Variants in NRG1 observed in about 807,000 individuals in gnomAD.
NRG1 encodes neuregulin 1.
Under a neutral mutation model 63.8 loss-of-function variants are expected in NRG1, and 18 were observed. The ratio of observed to expected loss-of-function variants is 0.28; its 90% CI spans 0.19 to 0.42. The LOEUF (loss-of-function observed/expected upper bound fraction) is 0.42. NRG1 is among the 10% of genes least tolerant of loss of function. NRG1 has a pLI of 1.00. For synonymous variants in NRG1, 302 were observed against 301.3 expected, an observed-to-expected ratio of 1.00 and a Z score of -0.02; for missense variants, 762 against 814.7, an observed-to-expected ratio of 0.94 and a Z score of 0.79.
chr8:32,067,866 A>G (rs563418958), intron 1 of NRG1, among the ~76,000 whole-genome samples: 1 of 152,212 alleles, frequency 6.6e-6, no homozygotes, highest in East Asian at 1.9e-4. Flanking sequence ...TAATCCCATC[A>G]GGATTTAGTT....
intron 1 of NRG1, among the ~76,000 whole-genome samples, chr8:32,156,273 T>C (rs1302461570): frequency 6.6e-6 from 1 of 152,242 alleles, no homozygotes; most frequent in Non-Finnish European, 1.5e-5. Context: ...GGTTTTGTAC[T>C]GATGGTCATG....
chr8:32,345,798 C>G (rs113852005), intron 1 of NRG1, among the ~76,000 whole-genome samples: 3,223 of 151,896 alleles, frequency 0.021, 107 homozygotes, highest in African/African-American at 0.074. Context: ...AGTGACAAAC[C>G]CTGTCTCTAC....
chr8:31,769,305 G>T (rs1252932090), intron 1 of NRG1, among the ~76,000 whole-genome samples: 1 of 152,108 alleles, frequency 6.6e-6, no homozygotes, highest in Non-Finnish European at 1.5e-5. Flanking sequence ...CTCATTGTCA[G>T]AGAGCTCTAG....
At chr8:32,520,219 G>A (rs565784089) in intron 1 of NRG1, among the ~76,000 whole-genome samples, 9 of 152,098 alleles carry the variant, frequency 5.9e-5, no homozygotes, top group Admixed American at 4.6e-4. Flanking sequence ...AGAGTGCAGT[G>A]GCTCAGATTT....
At chr8:32,531,473 A>G (rs977523216) in intron 1 of NRG1, among the ~76,000 whole-genome samples, 1 of 151,978 alleles carries the variant, frequency 6.6e-6, no homozygotes, top group Non-Finnish European at 1.5e-5. Flanking sequence ...AAAATGGTCA[A>G]GAAAAGCAAA....
chr8:31,814,100 A>T (rs934429818), intron 1 of NRG1, among the ~76,000 whole-genome samples: 7 of 152,200 alleles, frequency 4.6e-5, no homozygotes, highest in Non-Finnish European at 8.8e-5. Context: ...TATGAAATGT[A>T]GCTGGAGCCA....
chr8:32,067,198 T>A (rs549458625), intron 1 of NRG1, among the ~76,000 whole-genome samples: 2 of 152,322 alleles, frequency 1.3e-5, no homozygotes, highest in African/African-American at 2.4e-5. Flanking sequence ...CCTGTCTGAT[T>A]GCCCTGGCCA....
chr8:32,081,450 G>A (rs993553482), intron 1 of NRG1, among the ~76,000 whole-genome samples: 2 of 152,144 alleles, frequency 1.3e-5, no homozygotes, highest in Non-Finnish European at 2.9e-5. Context: ...AGAATAGAAT[G>A]AGAGTTGGGG....
chr8:32,317,490 C>G (rs191991843), intron 1 of NRG1, among the ~76,000 whole-genome samples: 9 of 152,300 alleles, frequency 5.9e-5, no homozygotes, highest in African/African-American at 1.9e-4. Context: ...TTAAAGATAT[C>G]AGAGGCTTTG....
In NRG1 at chr8:31,648,124, C is replaced by CTTTTTTTTTTTTTTTT. The variant is rs36074483; in HGVS notation, c.37+8705_37+8720dup. Among the ~76,000 whole-genome samples, 14 of 51,308 alleles carry CTTTTTTTTTTTTTTTT rather than the reference C, an allele frequency of 2.7e-4. 2 individuals are homozygous for CTTTTTTTTTTTTTTTT. Among genetic ancestry groups the CTTTTTTTTTTTTTTTT allele is most frequent in the African/African-American group, 1.2e-3 (13 of 10,810 alleles). The allele number at this position is 51,308 out of a possible 152,430, so 33.7% of individuals were successfully genotyped here. A position where few individuals can be genotyped will look rare whatever the true frequency, so the allele number is the denominator to read the frequency against. ...TTCTGTCTTTACAAATTTGACTACT[C>CTTTTTTTTTTTTTTTT]TTTTTTTTTTTTTTTTTTTTTTTTT... On this transcript the variant is annotated intron_variant, in intron 1 of 10. Coordinates refer to the NRG1 transcript ENST00000519301.
At chr8:32,069,175 A>G (rs1825361417) in intron 1 of NRG1, among the ~76,000 whole-genome samples, 2 of 152,192 alleles carry the variant, frequency 1.3e-5, no homozygotes, top group South Asian at 4.1e-4. Flanking sequence ...GTTTACTGGA[A>G]GTCTTTTAGA....
intron 1 of NRG1, among the ~76,000 whole-genome samples, chr8:31,773,486 C>CTCT (rs1818828330): frequency 6.6e-6 from 1 of 152,188 alleles, no homozygotes; most frequent in Non-Finnish European, 1.5e-5. Context: ...CTAGCTCAAA[C>CTCT]CATCATAGTC....
At chr8:32,312,527 C>T (rs188149215) in intron 1 of NRG1, among the ~76,000 whole-genome samples, 11 of 151,850 alleles carry the variant, frequency 7.2e-5, no homozygotes, top group Admixed American at 5.9e-4. Flanking sequence ...TTAACCTAGG[C>T]ATACTCACAG....
intron 1 of NRG1, among the ~76,000 whole-genome samples, chr8:31,847,567 A>T (rs1371162947): frequency 2.0e-5 from 3 of 152,166 alleles, no homozygotes. Context: ...AATTTCTGAG[A>T]TCATTTCTTG....
chr8:32,388,666 T>C (rs1587295204), intron 1 of NRG1, among the ~76,000 whole-genome samples: 1 of 144,848 alleles, frequency 6.9e-6, no homozygotes, highest in Non-Finnish European at 1.5e-5. Flanking sequence ...TTTTTTTTTT[T>C]CGTCTCAAAA....
intron 1 of NRG1, among the ~76,000 whole-genome samples, chr8:31,692,837 CT>C (rs1427821672): frequency 1.3e-5 from 2 of 152,116 alleles, no homozygotes; most frequent in Non-Finnish European, 2.9e-5. Flanking sequence ...GTAGTGAAAT[CT>C]TTGTGAGGGG....
At chr8:32,517,143 G>A (rs1829903400) in intron 1 of NRG1, among the ~76,000 whole-genome samples, 1 of 152,132 alleles carries the variant, frequency 6.6e-6, no homozygotes, top group South Asian at 2.1e-4. Context: ...TGGTTACCCT[G>A]AGAAGCATGG....
At chr8:31,659,709 G>A (rs967945114) in intron 1 of NRG1, among the ~76,000 whole-genome samples, 1 of 152,168 alleles carries the variant, frequency 6.6e-6, no homozygotes, top group African/African-American at 2.4e-5. Context: ...AAATATTTTG[G>A]GCTCAGGGCT....
At chr8:32,509,024 C>G (rs767133794) in intron 1 of NRG1, among the ~76,000 whole-genome samples, 1 of 152,026 alleles carries the variant, frequency 6.6e-6, no homozygotes, top group Non-Finnish European at 1.5e-5. Flanking sequence ...TATGAGCCAC[C>G]GTGCCTGGCC....
Sources: gnomAD v4.1 joint callset for allele counts (sites outside exome capture counted in the v4.1 genomes callset) on GRCh38, gnomAD v4.1.1 for gene constraint, MANE v1.5 for transcripts, NCBI Gene and HGNC (gene_info 2026-07-23, HGNC 2026-07-21) for gene names.